SPEF2: variants seen among roughly 807,000 people sequenced by gnomAD.
The protein encoded by SPEF2 is sperm flagellar and cilia associated 2.
SPEF2 carries 187 observed loss-of-function variants against 224.6 expected under a neutral mutation model. The ratio of observed to expected loss-of-function variants is 0.83; its 90% CI spans 0.74 to 0.94. The LOEUF (loss-of-function observed/expected upper bound fraction) is 0.94, where lower values mean the gene tolerates loss of function less well. SPEF2 is among the 40% of genes least tolerant of loss of function. SPEF2 has a pLI of 0.00. For missense variants in SPEF2, 2,170 were observed against 2,135.6 expected (o/e 1.02, Z -0.32); for synonymous variants, 715 against 707.3 (o/e 1.01, Z -0.17).
chr5:35,761,649 C>T (rs529868368), intron 25 of SPEF2, among the ~76,000 whole-genome samples: 1 of 152,070 alleles, frequency 6.6e-6, no homozygotes, highest in African/African-American at 2.4e-5. Context: ...GGAAAATGTT[C>T]AGCAAGCTGC....
intron 6 of SPEF2, among the ~76,000 whole-genome samples, chr5:35,653,300 C>CA (rs1748460851): frequency 6.6e-6 from 1 of 152,188 alleles, no homozygotes. Flanking sequence ...AGAAGCCAGT[C>CA]AGACCTGTGC....
chr5:35,739,083 T>C (rs1747136773), intron 21 of SPEF2, among the ~76,000 whole-genome samples: 1 of 152,208 alleles, frequency 6.6e-6, no homozygotes, highest in Non-Finnish European at 1.5e-5. Flanking sequence ...TTCAAACATG[T>C]TATAAAAACT....
rs528380638 is a variant in SPEF2 at position 35,754,198 on chromosome 5, G to C, written c.3468+437G>C. The stretch of plus-strand genomic sequence containing the variant: ...TAAAAAGTTTTCCAATACTGGACTA[G>C]AAAAACAGACCATAATCAATGCAAC... On this transcript the variant is annotated intron_variant, in intron 24 of 36. Coordinates refer to ENST00000356031, the MANE Select transcript of SPEF2 (RefSeq NM_024867.4). 1.2e-4 allele frequency among the ~76,000 whole-genome samples: 18 copies of C among 152,262 alleles called. No individual in the cohort carries two copies. The East Asian group carries it at 3.5e-3, about 29-fold the overall frequency.
In SPEF2 at chr5:35,691,271, C is replaced by T. The variant is rs767323460; in HGVS notation, c.1744+15C>T. On this transcript the variant is annotated intron_variant, in intron 11 of 36. Transcript: ENST00000356031. ...TCTACAAAAAGGTAGAATTTCTTCT[C>T]CTACTCTCCCTGCCATTAGGTCCTA... 1.9e-6 allele frequency: 3 copies of T among 1,599,388 alleles called. No homozygotes were observed. In the Admixed American group the frequency reaches 5.0e-5, roughly 27 times the overall value.
chr5:35,631,034 C>G (rs1396717487), intron 2 of SPEF2, among the ~76,000 whole-genome samples: 1 of 152,188 alleles, frequency 6.6e-6, no homozygotes, highest in Non-Finnish European at 1.5e-5. Flanking sequence ...CATTTTCACA[C>G]TGCTGATAAA....
At chr5:35,719,355 C>T (rs2149627234) in intron 20 of SPEF2, among the ~76,000 whole-genome samples, 1 of 152,336 alleles carries the variant, frequency 6.6e-6, no homozygotes, top group East Asian at 1.9e-4. Context: ...AAAAAATCAT[C>T]ACAGGACTGA....
chr5:35,776,268 C>T lies in SPEF2; in HGVS notation c.4090C>T (p.Gln1364Ter), dbSNP rs1254931830. ...CTCTTTGCAAATAGAAATAGCCACGCAATTTCGACTTGAACTGATAAAGAC... is the reference window on the plus strand; with the variant it reads ...CTCTTTGCAAATAGAAATAGCCACGTAATTTCGACTTGAACTGATAAAGAC... ...AALQFEEIAT[Q>*]FRLELIKTKA... Residue 1364 changes from glutamine (Q) to a stop codon, truncating the protein, a stop_gained, in exon 29 of 37, where the codon CAA becomes TAA. Coordinates refer to ENST00000356031, the MANE Select transcript of SPEF2 (RefSeq NM_024867.4). LOFTEE classifies it high-confidence loss of function. 6.2e-7 allele frequency: 1 copy of T among 1,604,196 alleles called. No homozygotes were observed. Among genetic ancestry groups the T allele is most frequent in the Non-Finnish European group, 8.5e-7 (1 of 1,176,962 alleles).
Position 35,793,272 on chromosome 5 carries a change from G to A in SPEF2, c.4668G>A (p.Glu1556=), listed in dbSNP as rs546118038. ...WPIPLEEELL[E]TLQKFKAVDK... ...TTCCCTTGGAGGAGGAGCTCCTTGA[G>A]ACCCTTCAGAAGTTCAAGGCTGTGG... Residue 1556 remains glutamate (E), a synonymous_variant, in exon 32 of 37, where the codon GAG becomes GAA. Transcript: ENST00000356031. The A allele has an allele frequency of 6.2e-7, 1 of 1,614,174 alleles. No individual in the cohort carries two copies. The highest frequency in any genetic ancestry group is 1.7e-5 in the Admixed American group (1 of 60,032).
At chr5:35,661,257 TATATATATATATA>T (rs1561152272) in intron 8 of SPEF2, among the ~76,000 whole-genome samples, 4 of 6,236 alleles carry the variant, frequency 6.4e-4, no homozygotes, top group African/African-American at 3.8e-3. Context: ...GTATATATTA[TATATATATATATA>T]TATATATATA....
At chr5:35,643,523 A>G (rs1318631298) in intron 3 of SPEF2, 1 of 456,116 alleles carries the variant, frequency 2.2e-6, no homozygotes, top group Non-Finnish European at 4.4e-6. Flanking sequence ...GCCACTTATC[A>G]GTTGAGAAAA....
chr5:35,630,657 C>T (rs1177207562), intron 2 of SPEF2, among the ~76,000 whole-genome samples: 1 of 152,048 alleles, frequency 6.6e-6, no homozygotes. Flanking sequence ...GATTGGGCCA[C>T]TGCACTCCAG....
intron 36 of SPEF2, chr5:35,807,771 A>G: frequency 6.5e-7 from 1 of 1,535,828 alleles, no homozygotes; most frequent in Non-Finnish European, 8.7e-7. Flanking sequence ...CAGCAGAAGA[A>G]AGGAAGAACT....
chr5:35,769,919 C>T (rs1316009127), intron 26 of SPEF2, among the ~76,000 whole-genome samples: 2 of 151,844 alleles, frequency 1.3e-5, no homozygotes, highest in Non-Finnish European at 2.9e-5. Context: ...CCCTCAATAA[C>T]CCCCATTTTT....
At chr5:35,718,778 T>C (rs1031349411) in intron 20 of SPEF2, among the ~76,000 whole-genome samples, 1 of 152,204 alleles carries the variant, frequency 6.6e-6, no homozygotes, top group Non-Finnish European at 1.5e-5. Flanking sequence ...TCAGCCACTC[T>C]CAGTTTTGCT....
intron 3 of SPEF2, chr5:35,643,639 G>A: frequency 4.6e-6 from 2 of 433,414 alleles, no homozygotes; most frequent in Non-Finnish European, 9.3e-6. Context: ...TGGAAGAGGT[G>A]ATATCATAGG....
intron 21 of SPEF2, among the ~76,000 whole-genome samples, chr5:35,728,050 A>G (rs1369300984): frequency 6.6e-6 from 1 of 152,156 alleles, no homozygotes; most frequent in African/African-American, 2.4e-5. Context: ...AATGGGGGGA[A>G]CAAATGGGTT....
chr5:35,769,676 C>A (rs1752525270), intron 26 of SPEF2, among the ~76,000 whole-genome samples: 1 of 152,078 alleles, frequency 6.6e-6, no homozygotes, highest in Admixed American at 6.6e-5. Flanking sequence ...GACAATGGGG[C>A]AAGATTTATC....
At position 35,705,700 on chromosome 5, in the gene SPEF2, G is replaced by A. The variant is rs1452835367; in HGVS notation, c.2557G>A (p.Glu853Lys). ...GCCTTTATTGGAGCAATGGTTTTCAGAGCCAGAAAATATTTTGATAAAAAT... is the reference window on the plus strand; with the variant it reads ...GCCTTTATTGGAGCAATGGTTTTCAAAGCCAGAAAATATTTTGATAAAAAT... ...NWPLLEQWFS[E>K]PENILIKINA... The change falls in exon 18 of 37, where the codon GAG becomes AAG. Residue 853 changes from glutamate to lysine, a missense_variant. Transcript: ENST00000356031. 2 of 1,592,176 alleles carry A rather than the reference G, an allele frequency of 1.3e-6. No homozygotes were observed. The highest frequency in any genetic ancestry group is 3.7e-5 in the Admixed American group (2 of 53,842).
chr5:35,745,134 T>C (rs926133682), intron 23 of SPEF2, among the ~76,000 whole-genome samples: 3 of 152,142 alleles, frequency 2.0e-5, no homozygotes, highest in African/African-American at 7.2e-5. Context: ...CTGAGCGAAA[T>C]ACAGGGGTAG....
Sources: allele counts gnomAD v4.1 joint callset (sites outside exome capture counted in the v4.1 genomes callset), GRCh38; gene constraint gnomAD v4.1.1; transcripts MANE v1.5; gene names NCBI Gene and HGNC (gene_info 2026-07-23, HGNC 2026-07-21).